The following UBR3 variants were observed in gnomAD, a reference collection of about 807,000 sequenced individuals.
UBR3 encodes the protein ubiquitin protein ligase E3 component n-recognin 3, also known as E3 ubiquitin-protein ligase UBR3.
UBR3 carries 85 observed loss-of-function variants against 243.2 expected under a neutral mutation model. The ratio of observed to expected loss-of-function variants is 0.35; its 90% CI spans 0.29 to 0.42. The LOEUF (loss-of-function observed/expected upper bound fraction) is 0.42. UBR3 is among the 10% of genes least tolerant of loss of function. The probability of loss-of-function intolerance (pLI) is 1.00; values close to 1 mark genes in which losing one functional copy is unlikely to be tolerated. For missense variants in UBR3, 1,686 were observed against 2,300.8 expected, an observed-to-expected ratio of 0.73 and a Z score of 5.47; for synonymous variants, 748 against 799.8, an observed-to-expected ratio of 0.94 and a Z score of 1.09.
At chr2:170,026,597 T>G (rs548084813) in intron 30 of UBR3, among the ~76,000 whole-genome samples, 2 of 152,288 alleles carry the variant, frequency 1.3e-5, no homozygotes, top group East Asian at 3.9e-4. Flanking sequence ...CAGTGGTGCT[T>G]CCTATACATA....
rs147294747 is a variant in UBR3 at position 170,027,112 on chromosome 2, G to A, written c.4454-2234G>A. ...AAAGTGGAGTGGTAGAAATAACTAA[G>A]AGGTGGCAAATCTTGAATCCTATTC... On this transcript the variant is annotated intron_variant, in intron 30 of 38. Coordinates refer to ENST00000272793, the MANE Select transcript of UBR3 (RefSeq NM_172070.4). Among the ~76,000 whole-genome samples the A allele has an allele frequency of 3.9e-3, 598 of 151,902 alleles. 3 individuals carry two copies. The highest frequency in any genetic ancestry group is 6.5e-3 in the Non-Finnish European group (439 of 67,826).
At chr2:170,017,006 C>CAT (rs994757450) in intron 30 of UBR3, 75 of 210,146 alleles carry the variant, frequency 3.6e-4, no homozygotes, top group South Asian at 6.7e-4. Context: ...GCCTGTAAGT[C>CAT]ATATATATAT....
chr2:170,054,930 C>T (rs192395545), intron 32 of UBR3, among the ~76,000 whole-genome samples: 1 of 152,274 alleles, frequency 6.6e-6, no homozygotes, highest in East Asian at 1.9e-4. Context: ...ATGCTGAGTA[C>T]TTCTCATTTA....
At chr2:169,943,656 A>G (rs894865852) in intron 20 of UBR3, among the ~76,000 whole-genome samples, 4 of 152,158 alleles carry the variant, frequency 2.6e-5, no homozygotes, top group African/African-American at 9.7e-5. Flanking sequence ...TGTAGATAAT[A>G]TAACTATATA....
intron 30 of UBR3, among the ~76,000 whole-genome samples, chr2:170,017,546 GACAC>G (rs34813217): frequency 0.13 from 16,616 of 125,522 alleles, 1,017 homozygotes; most frequent in Non-Finnish European, 0.14. Flanking sequence ...CACACACACA[GACAC>G]ACACACACAC....
At chr2:169,992,162 A>AT (rs2089303136) in intron 25 of UBR3, among the ~76,000 whole-genome samples, 1 of 152,228 alleles carries the variant, frequency 6.6e-6, no homozygotes, top group Admixed American at 6.5e-5. Context: ...GATGACGTGG[A>AT]TTAAATGAAT....
chr2:169,917,708 T>C (rs946830746), intron 11 of UBR3, among the ~76,000 whole-genome samples: 2 of 152,190 alleles, frequency 1.3e-5, no homozygotes, highest in Non-Finnish European at 2.9e-5. Context: ...TATTTATTTA[T>C]TATTTTTTTC....
chr2:169,876,339 CGAAGTGCTGGGATTACAGGCGTGAG>C (rs2083608936), intron 3 of UBR3, among the ~76,000 whole-genome samples: 1 of 152,114 alleles, frequency 6.6e-6, no homozygotes, highest in Non-Finnish European at 1.5e-5. Context: ...CTTGGCCTTC[CGAAGTGCTGGGATTACAGGCGTGAG>C]CCACTGCGCC....
In UBR3 at chr2:169,958,290, G is replaced by A. The variant is rs571331377; in HGVS notation, c.3546-148G>A. On this transcript the variant is annotated intron_variant, in intron 23 of 38. Coordinates refer to ENST00000272793, the MANE Select transcript of UBR3 (RefSeq NM_172070.4). ...GTAGAATCCTTTTAAGGACAATCAA[G>A]TATTAGAAGAAATTTAATACATAAT... The A allele has an allele frequency of 2.3e-5, 12 of 524,526 alleles. No homozygotes were observed. In the South Asian group the frequency reaches 4.2e-4, roughly 18 times the overall value. The allele number at this position is 524,526 out of a possible 1,614,324, so 32.5% of individuals were successfully genotyped here. A position where few individuals can be genotyped will look rare whatever the true frequency, so the allele number is the denominator to read the frequency against.
At chr2:169,917,049 A>C (rs1170394657) in intron 11 of UBR3, among the ~76,000 whole-genome samples, 1 of 151,996 alleles carries the variant, frequency 6.6e-6, no homozygotes, top group Non-Finnish European at 1.5e-5. Context: ...TGTTATCTTT[A>C]ATTCTAATCC....
intron 31 of UBR3, among the ~76,000 whole-genome samples, chr2:170,039,370 T>C (rs1264741057): frequency 4.6e-5 from 7 of 152,058 alleles, no homozygotes; most frequent in Non-Finnish European, 1.0e-4. Context: ...ATAATAGAAA[T>C]GGTGTGACCC....
chr2:169,931,017 C>G (rs991520164), intron 18 of UBR3, among the ~76,000 whole-genome samples: 2 of 152,138 alleles, frequency 1.3e-5, no homozygotes, highest in African/African-American at 4.8e-5. Context: ...CTGATAAAAG[C>G]TTTGGCATGT....
chr2:169,843,347 G>A (rs1299503223), intron 1 of UBR3, among the ~76,000 whole-genome samples: 1 of 152,208 alleles, frequency 6.6e-6, no homozygotes, highest in Non-Finnish European at 1.5e-5. Context: ...GGGGTGAAAA[G>A]AGCAAAAGGG....
Position 170,029,367 on chromosome 2 carries a change from C to T in UBR3, c.4475C>T (p.Ala1492Val), listed in dbSNP as rs1245517328. 1 of 1,610,286 alleles carries T rather than the reference C, an allele frequency of 6.2e-7. No homozygotes were observed. Among genetic ancestry groups the T allele is most frequent in the Non-Finnish European group, 8.5e-7 (1 of 1,178,186 alleles). ...TCAGATCAGCTGTTTCATGTATTAG[C>T]CTTGCACATGCGGCTTTATAGCATT... ...SCLNQLFHVL[A>V]LHMRLYSIDS... Residue 1492 changes from alanine to valine, a missense_variant, in exon 31 of 39, where the codon GCC becomes GTC. Coordinates refer to ENST00000272793, the MANE Select transcript of UBR3 (RefSeq NM_172070.4).
chr2:169,970,927 T>G (rs2088109165), intron 24 of UBR3, among the ~76,000 whole-genome samples: 1 of 144,602 alleles, frequency 6.9e-6, no homozygotes, highest in Admixed American at 7.0e-5. Flanking sequence ...TTGAACTAGT[T>G]TACAGTCCCA....
intron 1 of UBR3, among the ~76,000 whole-genome samples, chr2:169,870,582 A>T (rs2083402323): frequency 6.6e-6 from 1 of 152,224 alleles, no homozygotes; most frequent in Non-Finnish European, 1.5e-5. Flanking sequence ...GAACTTTAGA[A>T]TTAGTTTGTG....
chr2:169,923,095 A>G (rs538778091), intron 11 of UBR3, among the ~76,000 whole-genome samples: 1 of 152,192 alleles, frequency 6.6e-6, no homozygotes, highest in Non-Finnish European at 1.5e-5. Context: ...TTTGCCCTGT[A>G]GTGATTTTGT....
intron 24 of UBR3, among the ~76,000 whole-genome samples, chr2:169,965,873 C>T (rs907524861): frequency 2.6e-5 from 4 of 152,054 alleles, no homozygotes; most frequent in Non-Finnish European, 5.9e-5. Context: ...TGTAGTTGCT[C>T]CTTTTTATTG....
At chr2:169,963,053 A>G (rs1351597817) in intron 24 of UBR3, among the ~76,000 whole-genome samples, 2 of 152,140 alleles carry the variant, frequency 1.3e-5, no homozygotes, top group Admixed American at 6.5e-5. Flanking sequence ...TAGAAGCCCC[A>G]GTTTTCTCTA....
Sources: gnomAD v4.1 joint callset for allele counts (sites outside exome capture counted in the v4.1 genomes callset) on GRCh38, gnomAD v4.1.1 for gene constraint, MANE v1.5 for transcripts, NCBI Gene and HGNC (gene_info 2026-07-23, HGNC 2026-07-21) for gene names.